Variants in NAALADL2 observed in about 807,000 individuals in gnomAD.
The protein encoded by NAALADL2 is inactive N-acetylated-alpha-linked acidic dipeptidase-like protein 2.
A neutral mutation model predicts 87.2 loss-of-function variants in NAALADL2; 76 were observed. That is an observed-to-expected ratio of 0.87 (90% CI 0.72 to 1.05). The LOEUF is 1.05. NAALADL2 is among the 50% of genes least tolerant of loss of function. The pLI is 0.00. For synonymous variants in NAALADL2, 354 were observed against 331.0 expected (o/e 1.07, Z -0.75); for missense variants, 1,089 against 945.8 (o/e 1.15, Z -1.99).
intron 1 of NAALADL2, among the ~76,000 whole-genome samples, chr3:175,022,408 T>C (rs1294433475): frequency 1.3e-5 from 2 of 151,994 alleles, no homozygotes; most frequent in Admixed American, 6.6e-5. Flanking sequence ...CATTGGACAA[T>C]TACCTGACAA....
At chr3:175,518,299 T>G (rs960493870) in intron 9 of NAALADL2, among the ~76,000 whole-genome samples, 1 of 152,196 alleles carries the variant, frequency 6.6e-6, no homozygotes, top group Admixed American at 6.5e-5. Flanking sequence ...AGCTTCATCC[T>G]CTTTCCTAAA....
At chr3:174,825,681 A>G (rs568714324) in intron 3 of NAALADL2, among the ~76,000 whole-genome samples, 1 of 152,260 alleles carries the variant, frequency 6.6e-6, no homozygotes, top group African/African-American at 2.4e-5. Flanking sequence ...TTCCTTAAAC[A>G]TTCCTGTGGC....
At chr3:175,374,839 A>G (rs1766945192) in intron 5 of NAALADL2, among the ~76,000 whole-genome samples, 1 of 151,580 alleles carries the variant, frequency 6.6e-6, no homozygotes, top group African/African-American at 2.4e-5. Flanking sequence ...ACACTACTGC[A>G]CTCCAGCCTG....
At chr3:175,509,348 A>T (rs79590228) in intron 9 of NAALADL2, among the ~76,000 whole-genome samples, 173 of 152,268 alleles carry the variant, frequency 1.1e-3, no homozygotes, top group African/African-American at 4.0e-3. Context: ...TGGCTCAGGA[A>T]CATATTTTGC....
chr3:175,377,439 C>T (rs1362812266), intron 5 of NAALADL2, among the ~76,000 whole-genome samples: 2 of 152,034 alleles, frequency 1.3e-5, no homozygotes, highest in African/African-American at 4.8e-5. Flanking sequence ...CTTGTTTTTG[C>T]TTCTTCACAT....
intron 2 of NAALADL2, among the ~76,000 whole-genome samples, chr3:175,179,641 G>T (rs575058375): frequency 7.2e-5 from 11 of 152,028 alleles, no homozygotes; most frequent in African/African-American, 2.7e-4. Context: ...ATAGTTATTT[G>T]TAGGTTCCAT....
intron 3 of NAALADL2, among the ~76,000 whole-genome samples, chr3:174,830,924 A>G (rs1243204347): frequency 5.3e-4 from 80 of 151,330 alleles, no homozygotes; most frequent in African/African-American, 1.9e-3. Flanking sequence ...TTGTTGGTGT[A>G]TAAGAATGCT....
At chr3:174,541,779 AT>A (rs1722255885) in intron 1 of NAALADL2, among the ~76,000 whole-genome samples, 1 of 152,206 alleles carries the variant, frequency 6.6e-6, no homozygotes, top group Admixed American at 6.5e-5. Flanking sequence ...ATATTTGCTA[AT>A]TGTGAGATAA....
chr3:174,856,618 T>G (rs564085927), upstream of NAALADL2, among the ~76,000 whole-genome samples: 20 of 152,252 alleles, frequency 1.3e-4, no homozygotes, highest in Non-Finnish European at 2.5e-4. Context: ...TACTTAATAA[T>G]GGTCCCAAAA....
At position 174,721,804 on chromosome 3, in the gene NAALADL2, G is replaced by A. The variant is rs78054643; in HGVS notation, c.-114-15837G>A. On this transcript the variant is annotated intron_variant, in intron 2 of 3. Transcript: ENST00000434257. ...GTGGAGCACCAGCTGGAGTGTGCAA[G>A]GGTGATTGGTATTCCTCTGGAAAAG... Among the ~76,000 whole-genome samples, 934 of 152,236 alleles carry A rather than the reference G, an allele frequency of 6.1e-3. 6 individuals carry two copies. The highest frequency in any genetic ancestry group is 0.021 in the African/African-American group (888 of 41,524).
At chr3:175,776,126 C>T (rs1306914539) in intron 13 of NAALADL2, 2 of 152,180 alleles carry the variant, frequency 1.3e-5, no homozygotes, top group African/African-American at 2.4e-5. Context: ...TTCATTTCTA[C>T]ACATTATCAA....
rs558483485 is a variant in NAALADL2 at position 175,109,286 on chromosome 3, G to A, written c.545+11995G>A. 4.0e-5 allele frequency among the ~76,000 whole-genome samples: 6 copies of A among 151,880 alleles called. No individual in the cohort carries two copies. In the East Asian group the frequency reaches 1.2e-3, roughly 30 times the overall value. On this transcript the variant is annotated intron_variant, in intron 2 of 13. Transcript: ENST00000454872. ...TCCAATTTAAAAGTAACACCTGATA[G>A]CCTATCATCGCAAGATGCATTAAAG...
At chr3:174,714,233 G>A (rs932049031) in intron 2 of NAALADL2, among the ~76,000 whole-genome samples, 13 of 152,090 alleles carry the variant, frequency 8.5e-5, no homozygotes, top group Non-Finnish European at 1.9e-4. Context: ...GTCAGGTCGC[G>A]TGATACCCCT....
intron 1 of NAALADL2, among the ~76,000 whole-genome samples, chr3:174,999,865 T>A (rs1747998705): frequency 6.6e-6 from 1 of 152,148 alleles, no homozygotes; most frequent in Admixed American, 6.6e-5. Flanking sequence ...GTGGGCTTTA[T>A]TAGACTTTGC....
At chr3:175,559,572 G>A (rs940121570) in intron 9 of NAALADL2, among the ~76,000 whole-genome samples, 5 of 152,136 alleles carry the variant, frequency 3.3e-5, no homozygotes, top group South Asian at 2.1e-4. Flanking sequence ...TATTATCTAT[G>A]AGTCTGTCAT....
In NAALADL2 at chr3:175,590,892, CA is replaced by C. The variant is rs556920336; in HGVS notation, c.1800+14708del. Among the ~76,000 whole-genome samples, 113 of 152,172 alleles carry C rather than the reference CA, an allele frequency of 7.4e-4. 3 individuals carry two copies. In the South Asian group the frequency reaches 0.023, roughly 31 times the overall value. ...ATAGGTATTTGCTTTCAGTACTGAA[CA>C]AAGGTATGTGTGTGTGCTTAGGGAT... On this transcript the variant is annotated intron_variant, in intron 10 of 13. Transcript: ENST00000454872.
At chr3:174,937,019 A>T (rs780110002) in intron 1 of NAALADL2, among the ~76,000 whole-genome samples, 15 of 152,138 alleles carry the variant, frequency 9.9e-5, no homozygotes, top group Admixed American at 2.6e-4. Flanking sequence ...TGAACATTTT[A>T]AAAAAGAGCC....
Position 174,605,267 on chromosome 3 carries a change from T to A in NAALADL2, c.-115+54630T>A, listed in dbSNP as rs184011525. Among the ~76,000 whole-genome samples, 59 of 152,214 alleles carry A rather than the reference T, an allele frequency of 3.9e-4. 1 individual carries two copies. In the East Asian group the frequency reaches 0.011, roughly 28 times the overall value. The stretch of plus-strand genomic sequence containing the variant: ...AAGACGGGTGATTTCTGCATTTCCA[T>A]CTGAGGTACCGGGTTCATCTCACTA... On this transcript the variant is annotated intron_variant, in intron 2 of 3. Coordinates refer to the NAALADL2 transcript ENST00000434257.
chr3:174,896,682 G>A (rs1385272322), intron 1 of NAALADL2, among the ~76,000 whole-genome samples: 1 of 151,906 alleles, frequency 6.6e-6, no homozygotes, highest in Non-Finnish European at 1.5e-5. Context: ...AATTTATATG[G>A]TTTATATGAA....
Sources: allele counts gnomAD v4.1 joint callset (sites outside exome capture counted in the v4.1 genomes callset), GRCh38; gene constraint gnomAD v4.1.1; transcripts MANE v1.5; gene names NCBI Gene and HGNC (gene_info 2026-07-23, HGNC 2026-07-21).